TMEM259: variants seen among roughly 807,000 people sequenced by gnomAD.
TMEM259 encodes the protein membralin.
In TMEM259, 26 loss-of-function variants were observed where a neutral mutation model predicts 46.7. The ratio of observed to expected loss-of-function variants is 0.56; its 90% CI spans 0.41 to 0.77. The LOEUF (loss-of-function observed/expected upper bound fraction) is 0.77, where lower values mean the gene tolerates loss of function less well. Among genes scored for constraint, TMEM259 ranks in the 30% least tolerant of loss-of-function variants. The probability of loss-of-function intolerance (pLI) is 0.00; values close to 1 mark genes in which losing one functional copy is unlikely to be tolerated. For synonymous variants in TMEM259, 494 were observed against 395.1 expected, an observed-to-expected ratio of 1.25 and a Z score of -2.97; for missense variants, 930 against 900.5, an observed-to-expected ratio of 1.03 and a Z score of -0.42.
In TMEM259 at chr19:1,013,303, G is replaced by A. The variant is rs745367202; in HGVS notation, c.545C>T (p.Pro182Leu). ...GTCATTCAGGGCCTCTGTGCTACTC[G>A]GCGGCTTGAACACCTTGGGCTCGAT... ...LDIEPKVFKP[P>L]SSTEALNDSQ... Residue 182 changes from proline (P) to leucine (L), a missense_variant, in exon 3 of 11, where the codon CCG becomes CTG. Transcript: ENST00000356663. The A allele has an allele frequency of 1.5e-5, 25 of 1,613,658 alleles. No individual in the cohort carries two copies. Among genetic ancestry groups the A allele is most frequent in the African/African-American group, 9.3e-5 (7 of 74,932 alleles).
chr19:1,014,089 G>C, intron 2 of TMEM259, 103 bp downstream of exon 2: 1 of 1,436,726 alleles, frequency 7.0e-7, no homozygotes, highest in Non-Finnish European at 9.4e-7. Flanking sequence ...GTCCCTGAAA[G>C]TCAAGAACCC....
At chr19:1,016,286 G>C (rs58342790) in intron 1 of TMEM259, among the ~76,000 whole-genome samples, 44,763 of 152,076 alleles carry the variant, frequency 0.29, 7,815 homozygotes, top group African/African-American at 0.5. Flanking sequence ...TGGAAGGGGG[G>C]CAGCCCCGGA....
In TMEM259 at chr19:1,011,456, G is replaced by A. The variant is rs753568707; in HGVS notation, c.1128C>T (p.Thr376=). The A allele has an allele frequency of 1.2e-5, 18 of 1,560,742 alleles. No individual in the cohort carries two copies. Among genetic ancestry groups the A allele is most frequent in the Middle Eastern group, 2.0e-4 (1 of 4,912 alleles). ...IMSEFFNDTT[T]AFYIILIVWL... Reference sequence around the variant, plus strand: ...ACACGATGAGGATGATGTAGAAGGCGGTGGTGGTGTCGTTGAAGAACTCCG... The same window carrying A: ...ACACGATGAGGATGATGTAGAAGGCAGTGGTGGTGTCGTTGAAGAACTCCG... Residue 376 remains threonine, a synonymous_variant, in exon 9 of 11, where the codon ACC becomes ACT. Transcript: ENST00000356663.
Position 1,012,348 on chromosome 19 carries a change from G to A in TMEM259, c.718+115C>T, listed in dbSNP as rs1047761262. On this transcript the variant is annotated intron_variant, in intron 4 of 10. Coordinates refer to ENST00000356663, the MANE Select transcript of TMEM259 (RefSeq NM_001033026.2). ...AGCCCTGGGAAGCGTGCCTGGGGCG[G>A]GGCAGACCCCAGTGCTTCCTGCACA... 5 of 1,499,504 alleles carry A rather than the reference G, an allele frequency of 3.3e-6. No individual in the cohort carries two copies. The African/African-American group carries it at 4.2e-5, about 12-fold the overall frequency. 92.9% of individuals were successfully genotyped at this position (1,499,504 alleles called of 1,614,324 possible).
At position 1,010,506 on chromosome 19, in the gene TMEM259, C is replaced by CG. The variant is rs1568397495; in HGVS notation, c.1706dup (p.Leu570AlafsTer19). On this transcript the variant is annotated frameshift_variant, in exon 11 of 11. Coordinates refer to ENST00000356663, the MANE Select transcript of TMEM259 (RefSeq NM_001033026.2). LOFTEE classifies it low-confidence loss of function (END_TRUNC). ...GGGGGAGGCCCCCAGCAGGGCCCAG[C>CG]GGGCTGGCTGGACGCCGCTCCAGGA... 2 of 1,547,036 alleles carry CG rather than the reference C, an allele frequency of 1.3e-6. No homozygotes were observed. The highest frequency in any genetic ancestry group is 1.7e-6 in the Non-Finnish European group (2 of 1,146,234).
At chr19:1,011,831 G>T in intron 6 of TMEM259, 33 bp from the exon 7 acceptor site, 2 of 1,587,254 alleles carry the variant, frequency 1.3e-6, no homozygotes, top group South Asian at 1.1e-5. Flanking sequence ...GCTATGAGGG[G>T]CTGCGAGGGC....
Position 1,020,247 on chromosome 19 carries a change from G to C in TMEM259, c.225+525C>G, listed in dbSNP as rs1248330000. Among the ~76,000 whole-genome samples, 1 of 152,078 alleles carries C rather than the reference G, an allele frequency of 6.6e-6. No homozygotes were observed. Among genetic ancestry groups the C allele is most frequent in the Non-Finnish European group, 1.5e-5 (1 of 68,004 alleles). ...AGGCTACAAGGAGGGAGAGAGGGGAGTGGGGAGTCGACTTCCAGGACAGGG... is the reference window on the plus strand; with the variant it reads ...AGGCTACAAGGAGGGAGAGAGGGGACTGGGGAGTCGACTTCCAGGACAGGG... On this transcript the variant is annotated intron_variant, in intron 1 of 10. Coordinates refer to ENST00000356663, the MANE Select transcript of TMEM259 (RefSeq NM_001033026.2). The surrounding 1 kb of genome is among the most constrained non-coding windows in gnomAD (Gnocchi z 4.0).
intron 1 of TMEM259, among the ~76,000 whole-genome samples, chr19:1,016,916 A>G (rs2039130352): frequency 6.6e-6 from 1 of 152,200 alleles, no homozygotes; most frequent in Non-Finnish European, 1.5e-5. Flanking sequence ...CACACACTCC[A>G]GTCAAAGACT....
chr19:1,010,372 G>A lies in TMEM259; in HGVS notation c.1841C>T (p.Ala614Val), dbSNP rs2145554397. 2.7e-6 allele frequency: 4 copies of A among 1,495,718 alleles called. No individual in the cohort carries two copies. The highest frequency in any genetic ancestry group is 2.5e-5 in the East Asian group (1 of 40,368). The allele number at this position is 1,495,718 out of a possible 1,614,324, so 92.7% of individuals were successfully genotyped here. ...GGCTCAGGACCCCACCTCCGAGGGCGCCTCCGTTGGGGCCATGGAGGCCGG... is the reference window on the plus strand; with the variant it reads ...GGCTCAGGACCCCACCTCCGAGGGCACCTCCGTTGGGGCCATGGAGGCCGG... Reference protein sequence around the residue: ...PSPASMAPTEAPSEVGS With the variant: ...PSPASMAPTEVPSEVGS The change falls in exon 11 of 11, where the codon GCG becomes GTG. Residue 614 changes from alanine (A) to valine (V), a missense_variant. Ala to Val is a moderately conservative substitution (Grantham distance 64). Transcript: ENST00000356663.
intron 9 of TMEM259, 75 bp from the exon 10 acceptor site, chr19:1,011,270 CGCA>C: frequency 6.5e-7 from 1 of 1,538,784 alleles, no homozygotes; most frequent in Non-Finnish European, 8.7e-7. Flanking sequence ...TCCCGCGTGG[CGCA>C]GCCACCACCC....
Position 1,010,890 on chromosome 19 carries a change from G to T in TMEM259, c.1323C>A (p.Ser441=). The T allele has an allele frequency of 6.3e-7, 1 of 1,583,408 alleles. No individual in the cohort carries two copies. The highest frequency in any genetic ancestry group is 2.2e-5 in the East Asian group (1 of 44,596). The stretch of plus-strand genomic sequence containing the variant: ...CGTAGTGGTGGAAGAAGTAGATCAT[G>T]GAATGCTGCGGGAGGGAGAGTGGGA... ...LVTSWLFIQH[S]MIYFFHHYEL... Residue 441 remains serine, a synonymous_variant, in exon 11 of 11, where the codon TCC becomes TCA. Transcript: ENST00000356663.
chr19:1,018,284 T>C (rs1196914484), intron 1 of TMEM259, among the ~76,000 whole-genome samples: 2 of 152,164 alleles, frequency 1.3e-5, no homozygotes, highest in African/African-American at 2.4e-5. Context: ...GCCTCCTCTC[T>C]CCCCAGCACC....
intron 2 of TMEM259, chr19:1,013,743 C>T: frequency 3.6e-6 from 1 of 281,620 alleles, no homozygotes; most frequent in South Asian, 4.7e-5. Flanking sequence ...GCCACCTGGT[C>T]CCACCAGTGC....
At chr19:1,016,572 C>T (rs1387978295) in intron 1 of TMEM259, among the ~76,000 whole-genome samples, 1 of 152,238 alleles carries the variant, frequency 6.6e-6, no homozygotes, top group Non-Finnish European at 1.5e-5. Flanking sequence ...CACAGTGGGC[C>T]GAGGTCGGGG....
intron 1 of TMEM259, among the ~76,000 whole-genome samples, chr19:1,017,671 C>T (rs973636268): frequency 6.6e-6 from 1 of 152,188 alleles, no homozygotes; most frequent in African/African-American, 2.4e-5. Context: ...GGCACCCCAA[C>T]ACTCGGCCAC....
At position 1,009,856 on chromosome 19, in the gene TMEM259, C is replaced by G. The variant is rs538161277; in HGVS notation, c.*494G>C. Reference sequence around the variant, plus strand: ...GCACCCCACGTCCCTATGCCCGAGGCGCAAGCTCTGCTCTCCCGGGGACCC... The same window carrying G: ...GCACCCCACGTCCCTATGCCCGAGGGGCAAGCTCTGCTCTCCCGGGGACCC... On this transcript the variant is annotated 3_prime_UTR_variant, in exon 11 of 11. Coordinates refer to ENST00000356663, the MANE Select transcript of TMEM259 (RefSeq NM_001033026.2). The G allele has an allele frequency of 8.3e-4, 338 of 407,626 alleles. 2 individuals carry two copies. The highest frequency in any genetic ancestry group is 2.6e-3 in the Middle Eastern group (4 of 1,548). 25.3% of individuals were successfully genotyped at this position (407,626 alleles called of 1,614,324 possible). A position where few individuals can be genotyped will look rare whatever the true frequency, so the allele number is the denominator to read the frequency against.
Position 1,014,356 on chromosome 19 carries a change from C to G in TMEM259, c.343G>C (p.Val115Leu). The G allele has an allele frequency of 6.2e-7, 1 of 1,612,992 alleles. No homozygotes were observed. The highest frequency in any genetic ancestry group is 8.5e-7 in the Non-Finnish European group (1 of 1,179,916). ...GGCGCGCGGCTCGAGTTGTGCCGCA[C>G]TTCCACACGCAGGATGCCCTCACGC... ...WPREGILRVE[V>L]RHNSSRAPVF... The change falls in exon 2 of 11, where the codon GTG becomes CTG. Residue 115 changes from valine (V) to leucine (L), a missense_variant. Physicochemically the swap from Val to Leu is conservative, Grantham distance 32. Transcript: ENST00000356663.
At chr19:1,013,818 G>A (rs564002165) in intron 2 of TMEM259, among the ~76,000 whole-genome samples, 2 of 152,208 alleles carry the variant, frequency 1.3e-5, no homozygotes, top group African/African-American at 4.8e-5. Flanking sequence ...ACCTCAGGAC[G>A]GCCAGGATGG....
intron 1 of TMEM259, among the ~76,000 whole-genome samples, chr19:1,014,847 C>A (rs372696794): frequency 6.6e-6 from 1 of 152,154 alleles, no homozygotes; most frequent in Admixed American, 6.5e-5. Context: ...GCACACAGGA[C>A]CCCCCAAACC....
Sources: gnomAD v4.1 joint callset for allele counts (sites outside exome capture counted in the v4.1 genomes callset) on GRCh38, gnomAD v4.1.1 for gene constraint, Gnocchi (gnomAD v3.1) non-coding constraint, MANE v1.5 for transcripts, NCBI Gene and HGNC (gene_info 2026-07-23, HGNC 2026-07-21) for gene names.